Variants in MAML3 observed in about 807,000 individuals in gnomAD.
The protein encoded by MAML3 is mastermind like transcriptional coactivator 3, also known as mastermind-like protein 3.
A neutral mutation model predicts 101.9 loss-of-function variants in MAML3; 27 were observed. The ratio of observed to expected loss-of-function variants is 0.27; its 90% CI spans 0.20 to 0.37. MAML3 has a LOEUF of 0.37. Ranked by LOEUF, MAML3 falls within the 10% of genes least tolerant of loss-of-function variation. The probability of loss-of-function intolerance (pLI) is 1.00; values close to 1 mark genes in which losing one functional copy is unlikely to be tolerated. For synonymous variants in MAML3, 501 were observed against 555.9 expected (o/e 0.90, Z 1.39); for missense variants, 1,316 against 1,444.9 (o/e 0.91, Z 1.45).
At chr4:140,091,009 C>T (rs1252563458) in intron 1 of MAML3, among the ~76,000 whole-genome samples, 1 of 152,068 alleles carries the variant, frequency 6.6e-6, no homozygotes, top group East Asian at 1.9e-4. Context: ...AAGGTTGCGC[C>T]ACTGCACTCC....
At chr4:139,945,666 C>CTGAT (rs1733713636) in intron 1 of MAML3, among the ~76,000 whole-genome samples, 1 of 152,114 alleles carries the variant, frequency 6.6e-6, no homozygotes, top group Non-Finnish European at 1.5e-5. Flanking sequence ...TTTAAGCAGC[C>CTGAT]TGATATAGGA....
chr4:139,731,225 C>T (rs1194674952), intron 2 of MAML3: 1 of 158,882 alleles, frequency 6.3e-6, no homozygotes, highest in Non-Finnish European at 1.4e-5. Flanking sequence ...AAAAATCCTC[C>T]TGGCCAGAGT....
At chr4:140,147,530 C>G (rs1300597965) in intron 1 of MAML3, among the ~76,000 whole-genome samples, 1 of 151,982 alleles carries the variant, frequency 6.6e-6, no homozygotes, top group Non-Finnish European at 1.5e-5. Flanking sequence ...GAAGGAAAAA[C>G]AAAGCAAGCA....
chr4:139,981,129 A>G (rs1382571287), intron 1 of MAML3, among the ~76,000 whole-genome samples: 1 of 152,232 alleles, frequency 6.6e-6, no homozygotes, highest in Non-Finnish European at 1.5e-5. Flanking sequence ...CTGGAAGCCC[A>G]AGATCAAGGT....
At chr4:139,850,954 T>TG (rs1033917643) in intron 2 of MAML3, among the ~76,000 whole-genome samples, 1 of 151,930 alleles carries the variant, frequency 6.6e-6, no homozygotes, top group Non-Finnish European at 1.5e-5. Context: ...AAGATATGGT[T>TG]GACATTAGAA....
At chr4:140,111,724 C>T (rs753233695) in intron 1 of MAML3, among the ~76,000 whole-genome samples, 6 of 152,218 alleles carry the variant, frequency 3.9e-5, no homozygotes, top group Non-Finnish European at 7.3e-5. Context: ...TGTAACTTGT[C>T]TTCTGTAATC....
rs111812926 is a variant in MAML3 at position 140,140,044 on chromosome 4, C to A, written c.468+12816G>T. On this transcript the variant is annotated intron_variant, in intron 1 of 4. Coordinates refer to ENST00000509479, the MANE Select transcript of MAML3 (RefSeq NM_018717.5). The stretch of plus-strand genomic sequence containing the variant: ...CCTTTAAGAATCTCTTTATTTGGGG[C>A]CGGACGCGGTGGCTCACGCCTATAA... 6.9e-4 allele frequency among the ~76,000 whole-genome samples: 105 copies of A among 152,290 alleles called. 1 individual carries two copies. Among genetic ancestry groups the A allele is most frequent in the African/African-American group, 2.4e-3 (101 of 41,554 alleles).
intron 1 of MAML3, among the ~76,000 whole-genome samples, chr4:140,148,817 T>A (rs924006802): frequency 6.6e-6 from 1 of 152,248 alleles, no homozygotes; most frequent in East Asian, 1.9e-4. Context: ...TATTATTAAA[T>A]GCATGTTATG....
At chr4:139,868,398 T>C (rs1208555701) in intron 2 of MAML3, among the ~76,000 whole-genome samples, 2 of 152,222 alleles carry the variant, frequency 1.3e-5, no homozygotes, top group Non-Finnish European at 2.9e-5. Context: ...AGCTTGATAC[T>C]ACGAAAATAA....
chr4:139,880,442 G>A (rs1385124306), intron 2 of MAML3, among the ~76,000 whole-genome samples: 1 of 152,076 alleles, frequency 6.6e-6, no homozygotes, highest in African/African-American at 2.4e-5. Context: ...TCAGTGAGGA[G>A]TGTTCTGTCC....
chr4:140,068,298 A>G (rs938224140), intron 1 of MAML3, among the ~76,000 whole-genome samples: 1 of 152,186 alleles, frequency 6.6e-6, no homozygotes, highest in African/African-American at 2.4e-5. Flanking sequence ...TCTCCCATCA[A>G]CCTGAGCACA....
chr4:139,836,870 C>T (rs1731262708), intron 2 of MAML3, among the ~76,000 whole-genome samples: 1 of 152,154 alleles, frequency 6.6e-6, no homozygotes, highest in African/African-American at 2.4e-5. Flanking sequence ...AGCCTGTAAT[C>T]CCAGCACTTT....
At chr4:139,943,582 A>G (rs566320239) in intron 1 of MAML3, among the ~76,000 whole-genome samples, 3 of 152,296 alleles carry the variant, frequency 2.0e-5, no homozygotes, top group Admixed American at 1.3e-4. Context: ...TCTGGATCCA[A>G]GTGATTGCAT....
chr4:140,088,304 G>GGA (rs1457553071), intron 1 of MAML3, among the ~76,000 whole-genome samples: 1 of 151,970 alleles, frequency 6.6e-6, no homozygotes, highest in African/African-American at 2.4e-5. Context: ...GGTCTAAGAG[G>GGA]GAGAACCCTT....
At chr4:140,054,185 C>T (rs892104061) in intron 1 of MAML3, among the ~76,000 whole-genome samples, 8 of 151,964 alleles carry the variant, frequency 5.3e-5, no homozygotes, top group African/African-American at 1.7e-4. Flanking sequence ...GCCTGGCCAA[C>T]ATGGTGAAAC....
At chr4:139,940,988 G>C (rs756065728) in intron 1 of MAML3, among the ~76,000 whole-genome samples, 26 of 152,196 alleles carry the variant, frequency 1.7e-4, no homozygotes, top group Non-Finnish European at 3.4e-4. Flanking sequence ...TGATGCTGAT[G>C]AATGGGTTGG....
chr4:139,777,655 T>C (rs960910812), intron 2 of MAML3, among the ~76,000 whole-genome samples: 1 of 152,228 alleles, frequency 6.6e-6, no homozygotes, highest in East Asian at 1.9e-4. Context: ...GCCACCCAAG[T>C]AACTGGGACT....
At chr4:139,912,467 G>A (rs1294679769) in intron 1 of MAML3, among the ~76,000 whole-genome samples, 1 of 152,196 alleles carries the variant, frequency 6.6e-6, no homozygotes, top group Non-Finnish European at 1.5e-5. Flanking sequence ...CAGAAGTCTA[G>A]GCACTGTTGT....
rs576607829 is a variant in MAML3, at chr4:139,832,688, A to C, written c.2079+56669T>G. ...TAAATCCTCAGCCTCAAAAGTAAGG[A>C]TGTACAAAAGTCATTACTTAAAAAA... On this transcript the variant is annotated intron_variant, in intron 2 of 4. Coordinates refer to ENST00000509479, the MANE Select transcript of MAML3 (RefSeq NM_018717.5). 8.5e-5 allele frequency among the ~76,000 whole-genome samples: 13 copies of C among 152,246 alleles called. No individual in the cohort carries two copies. The East Asian group carries it at 2.5e-3, about 29-fold the overall frequency.
Sources: allele counts gnomAD v4.1 joint callset (sites outside exome capture counted in the v4.1 genomes callset), GRCh38; gene constraint gnomAD v4.1.1; transcripts MANE v1.5; gene names NCBI Gene and HGNC (gene_info 2026-07-23, HGNC 2026-07-21).